The following MAN2A1 variants were observed in gnomAD, a reference collection of about 807,000 sequenced individuals.
MAN2A1 encodes the protein alpha-mannosidase 2.
A neutral mutation model predicts 142.6 loss-of-function variants in MAN2A1; 76 were observed. That is an observed-to-expected ratio of 0.53 (90% CI 0.44 to 0.65). MAN2A1 has a LOEUF of 0.65. MAN2A1 is among the 30% of genes least tolerant of loss of function. MAN2A1 has a pLI of 0.00. For synonymous variants in MAN2A1, 559 were observed against 473.2 expected (o/e 1.18, Z -2.35); for missense variants, 1,311 against 1,365.1 (o/e 0.96, Z 0.62).
intron 3 of MAN2A1, among the ~76,000 whole-genome samples, chr5:109,717,192 A>G (rs1751480881): frequency 6.6e-6 from 1 of 152,092 alleles, no homozygotes; most frequent in South Asian, 2.1e-4. Flanking sequence ...AATAATTTGA[A>G]GGTTTTTTTC....
At position 109,690,539 on chromosome 5, in the gene MAN2A1, G is replaced by C; in HGVS notation, c.122G>C (p.Gly41Ala). The C allele has an allele frequency of 6.2e-7, 1 of 1,606,230 alleles. No individual in the cohort carries two copies. Among genetic ancestry groups the C allele is most frequent in the Non-Finnish European group, 8.5e-7 (1 of 1,176,254 alleles). The change falls in exon 1 of 22, where the codon GGC (glycine) becomes GCC (alanine). Residue 41 changes from glycine to alanine, a missense_variant. Physicochemically the swap from Gly to Ala is moderately conservative, Grantham distance 60. Coordinates refer to ENST00000261483, the MANE Select transcript of MAN2A1 (RefSeq NM_002372.4). ...TACCCCAGGAACCCGCGCCGCGAGG[G>C]CTCCTTCCCTCAGGTAAGCACCTGG... ...LDYPRNPRRE[G>A]SFPQGQLSML...
At chr5:109,797,315 A>G (rs1335890662) in intron 12 of MAN2A1, among the ~76,000 whole-genome samples, 5 of 152,334 alleles carry the variant, frequency 3.3e-5, no homozygotes, top group Middle Eastern at 6.8e-3. Context: ...TCTCTGAGAA[A>G]TATGAAACAA....
intron 4 of MAN2A1, among the ~76,000 whole-genome samples, chr5:109,751,322 A>T (rs1227828227): frequency 6.6e-6 from 1 of 152,026 alleles, no homozygotes; most frequent in Non-Finnish European, 1.5e-5. Flanking sequence ...GCTACAAATG[A>T]TATGATTTCA....
chr5:109,757,568 C>G (rs1316043039), intron 5 of MAN2A1, among the ~76,000 whole-genome samples: 2 of 152,110 alleles, frequency 1.3e-5, no homozygotes, highest in Non-Finnish European at 2.9e-5. Flanking sequence ...GTAATTTTTT[C>G]TTACAACTTT....
At position 109,726,339 on chromosome 5, in the gene MAN2A1, A is replaced by C. The variant is rs1006824046; in HGVS notation, c.536-3003A>C. Among the ~76,000 whole-genome samples the C allele has an allele frequency of 1.0e-3, 156 of 152,186 alleles. 2 individuals are homozygous for C. Among genetic ancestry groups the C allele is most frequent in the Non-Finnish European group, 7.4e-5 (5 of 68,024 alleles). On this transcript the variant is annotated intron_variant, in intron 3 of 21. Transcript: ENST00000261483. Reference sequence around the variant, plus strand: ...AAAACGAAAGAACCAATTCAGTGTAAAAGGAAATACTTGATTACTCTGTTG... The same window carrying C: ...AAAACGAAAGAACCAATTCAGTGTACAAGGAAATACTTGATTACTCTGTTG...
intron 1 of MAN2A1, 151 bp from the exon 2 acceptor site, chr5:109,713,369 A>C (rs1751355977): frequency 1.9e-6 from 1 of 538,324 alleles, no homozygotes; most frequent in Non-Finnish European, 3.1e-6. Flanking sequence ...CCAGCTGTTC[A>C]TGCTTTCTGC....
intron 3 of MAN2A1, among the ~76,000 whole-genome samples, chr5:109,728,476 C>G (rs1751809014): frequency 6.6e-6 from 1 of 152,046 alleles, no homozygotes; most frequent in South Asian, 2.1e-4. Flanking sequence ...TGCCTGCCAC[C>G]AGTAGACAGA....
chr5:109,702,089 T>G (rs1432824371), intron 1 of MAN2A1, among the ~76,000 whole-genome samples: 1 of 152,148 alleles, frequency 6.6e-6, no homozygotes, highest in African/African-American at 2.4e-5. Context: ...GCTGCACATC[T>G]TACATTAAGA....
intron 5 of MAN2A1, among the ~76,000 whole-genome samples, chr5:109,759,970 G>T (rs926558009): frequency 5.7e-5 from 3 of 52,600 alleles, no homozygotes; most frequent in Non-Finnish European, 1.1e-4. Flanking sequence ...TATATAGATA[G>T]ATAGATAGAT....
chr5:109,785,078 T>C, intron 10 of MAN2A1, 152 bp downstream of exon 10: 1 of 543,304 alleles, frequency 1.8e-6, no homozygotes, highest in Non-Finnish European at 3.1e-6. Flanking sequence ...GCACTGATAT[T>C]CAAATATTAA....
chr5:109,809,744 T>C (rs965101062), intron 12 of MAN2A1, among the ~76,000 whole-genome samples: 1 of 152,108 alleles, frequency 6.6e-6, no homozygotes. Flanking sequence ...TCACAGAGTT[T>C]TTTTGTATCT....
At chr5:109,764,794 T>A (rs1752946254) in intron 5 of MAN2A1, among the ~76,000 whole-genome samples, 1 of 152,180 alleles carries the variant, frequency 6.6e-6, no homozygotes, top group Admixed American at 6.5e-5. Context: ...TTATCTTTTT[T>A]TGTAAGCTTA....
chr5:109,691,307 G>C (rs1242462279), intron 1 of MAN2A1, among the ~76,000 whole-genome samples: 2 of 152,340 alleles, frequency 1.3e-5, no homozygotes, highest in South Asian at 2.1e-4. Flanking sequence ...AGCGGACACA[G>C]TCTGTTCCCT....
chr5:109,846,013 A>G lies in MAN2A1; in HGVS notation c.2842+7A>G, dbSNP rs1755336156. ...GTTTCGAGTTTGAATAGTGGTATGT[A>G]TTGCTTACACTCTTTTCCACTCTGA... On this transcript the variant is annotated splice_region_variant and intron_variant, in intron 18 of 21. Coordinates refer to ENST00000261483, the MANE Select transcript of MAN2A1 (RefSeq NM_002372.4). The G allele has an allele frequency of 1.9e-6, 3 of 1,603,642 alleles. No individual in the cohort carries two copies. Among genetic ancestry groups the G allele is most frequent in the East Asian group, 4.5e-5 (2 of 44,222 alleles).
intron 20 of MAN2A1, among the ~76,000 whole-genome samples, chr5:109,860,565 C>T (rs974045656): frequency 6.6e-6 from 1 of 152,134 alleles, no homozygotes; most frequent in Non-Finnish European, 1.5e-5. Flanking sequence ...AGTTATGGCC[C>T]CTCTCTTCCC....
At chr5:109,732,972 A>C (rs1175255134) in intron 4 of MAN2A1, among the ~76,000 whole-genome samples, 2 of 152,114 alleles carry the variant, frequency 1.3e-5, no homozygotes, top group Admixed American at 6.6e-5. Context: ...CATTTTCACA[A>C]TATTGATTCT....
chr5:109,718,049 C>G (rs879487307), intron 3 of MAN2A1, among the ~76,000 whole-genome samples: 2 of 152,132 alleles, frequency 1.3e-5, no homozygotes, highest in Admixed American at 1.3e-4. Flanking sequence ...AATCACTTGA[C>G]TATTCAATTA....
At chr5:109,840,381 C>T (rs1180790204) in intron 16 of MAN2A1, 3 of 381,526 alleles carry the variant, frequency 7.9e-6, no homozygotes, top group Non-Finnish European at 1.6e-5. Context: ...AGGTCATCTC[C>T]AGAGAAATTG....
At chr5:109,799,652 GC>G (rs1163687249) in intron 12 of MAN2A1, among the ~76,000 whole-genome samples, 2 of 151,890 alleles carry the variant, frequency 1.3e-5, no homozygotes, top group Non-Finnish European at 2.9e-5. Flanking sequence ...TACTTGGGAG[GC>G]TAAAGCAGGA....
Sources: gnomAD v4.1 joint callset for allele counts (sites outside exome capture counted in the v4.1 genomes callset) on GRCh38, gnomAD v4.1.1 for gene constraint, MANE v1.5 for transcripts, NCBI Gene and HGNC (gene_info 2026-07-23, HGNC 2026-07-21) for gene names.